MCF2L2: variants seen among roughly 807,000 people sequenced by gnomAD.
MCF2L2 encodes the protein MCF.2 cell line derived transforming sequence-like 2.
In MCF2L2, 102 loss-of-function variants were observed where a neutral mutation model predicts 150.2. The ratio of observed to expected loss-of-function variants is 0.68; its 90% CI spans 0.58 to 0.80. MCF2L2 has a LOEUF of 0.80. Ranked by LOEUF, MCF2L2 falls within the 30% of genes least tolerant of loss-of-function variation. The pLI is 0.00. For missense variants in MCF2L2, 1,256 were observed against 1,372.8 expected, an observed-to-expected ratio of 0.91 and a Z score of 1.34; for synonymous variants, 465 against 491.3, an observed-to-expected ratio of 0.95 and a Z score of 0.71.
At chr3:183,269,527 G>A (rs374501390) in intron 15 of MCF2L2, 21 of 364,502 alleles carry the variant, frequency 5.8e-5, no homozygotes, top group African/African-American at 2.1e-4. Context: ...TGGGAGAGCC[G>A]CATGAGGCCG....
chr3:183,248,629 G>A (rs1278634055), intron 15 of MCF2L2, among the ~76,000 whole-genome samples: 1 of 152,112 alleles, frequency 6.6e-6, no homozygotes, highest in Non-Finnish European at 1.5e-5. Flanking sequence ...GAGCCCAGGA[G>A]TTCAAGACCA....
chr3:183,215,710 C>T (rs1232870011), intron 22 of MCF2L2, among the ~76,000 whole-genome samples: 1 of 152,100 alleles, frequency 6.6e-6, no homozygotes, highest in Non-Finnish European at 1.5e-5. Context: ...ATGTTCTGGC[C>T]CTTGACTTTC....
intron 1 of MCF2L2, among the ~76,000 whole-genome samples, chr3:183,392,297 G>A (rs541888767): frequency 1.3e-5 from 2 of 152,116 alleles, no homozygotes; most frequent in Non-Finnish European, 2.9e-5. Context: ...AATAACTGTA[G>A]AGCCCGGATC....
chr3:183,271,101 CT>C (rs899466665), intron 15 of MCF2L2: 53 of 562,900 alleles, frequency 9.4e-5, no homozygotes, highest in African/African-American at 9.0e-4. Flanking sequence ...TTTAATATCA[CT>C]TATCTACTTC....
intron 15 of MCF2L2, 67 bp downstream of exon 15, chr3:183,276,805 G>T: frequency 1.8e-6 from 2 of 1,088,472 alleles, no homozygotes; most frequent in Non-Finnish European, 2.8e-6. Flanking sequence ...AGGTGTAAAA[G>T]AGAGGATCCT....
At chr3:183,213,434 C>T (rs1339605833) in intron 22 of MCF2L2, among the ~76,000 whole-genome samples, 3 of 151,680 alleles carry the variant, frequency 2.0e-5, no homozygotes, top group Admixed American at 6.6e-5. Flanking sequence ...TTTCTAGTTG[C>T]TTTCTAGTTG....
In MCF2L2 at chr3:183,277,091, G is replaced by A. The variant is rs111659902; in HGVS notation, c.1777-134C>T. 3.6e-3 allele frequency: 2,251 copies of A among 623,056 alleles called. 33 individuals carry two copies. In the African/African-American group the frequency reaches 0.038, roughly 10 times the overall value. The allele number at this position is 623,056 out of a possible 1,614,324, so 38.6% of individuals were successfully genotyped here. ...AGCAAAATATCCAGTTTCTCATGCC[G>A]CTTTCTCAGGTTTTCCCCAGCCACT... On this transcript the variant is annotated intron_variant, in intron 14 of 29. Transcript: ENST00000328913.
intron 2 of MCF2L2, among the ~76,000 whole-genome samples, chr3:183,380,607 G>A (rs1713468050): frequency 6.6e-6 from 1 of 152,076 alleles, no homozygotes; most frequent in African/African-American, 2.4e-5. Flanking sequence ...TCATCACGTT[G>A]GCCAGGCTGG....
Position 183,264,397 on chromosome 3 carries a change from C to T in MCF2L2, c.1862+12475G>A, listed in dbSNP as rs535998379. ...GTTGGTGTCATGCAGACACACTGTACCTTACCAGGATTTGCCCATTGTTGT... is the reference window on the plus strand; with the variant it reads ...GTTGGTGTCATGCAGACACACTGTATCTTACCAGGATTTGCCCATTGTTGT... On this transcript the variant is annotated intron_variant, in intron 15 of 29. Transcript: ENST00000328913. Among the ~76,000 whole-genome samples the T allele has an allele frequency of 1.1e-4, 17 of 152,346 alleles. 1 individual carries two copies. In the South Asian group the frequency reaches 3.3e-3, roughly 30 times the overall value.
intron 3 of MCF2L2, chr3:183,374,124 C>T (rs870175): frequency 0.012 from 1,827 of 152,954 alleles, 32 homozygotes; most frequent in African/African-American, 0.039. Context: ...CTACACACCA[C>T]CACCAGATCA....
intron 4 of MCF2L2, among the ~76,000 whole-genome samples, chr3:183,341,033 G>A (rs892200936): frequency 3.3e-5 from 5 of 152,342 alleles, no homozygotes; most frequent in Middle Eastern, 3.4e-3. Context: ...AGTACAGGTA[G>A]TTTGTTGGGG....
intron 27 of MCF2L2, among the ~76,000 whole-genome samples, chr3:183,186,643 A>G (rs1315967142): frequency 6.6e-6 from 1 of 152,206 alleles, no homozygotes; most frequent in Admixed American, 6.5e-5. Flanking sequence ...AGGAGAATCA[A>G]TTGAACCTGG....
intron 15 of MCF2L2, among the ~76,000 whole-genome samples, chr3:183,232,160 G>T (rs951962920): frequency 1.3e-5 from 2 of 152,132 alleles, no homozygotes; most frequent in African/African-American, 4.8e-5. Flanking sequence ...AGATGGAGGG[G>T]GCCAGATGGA....
intron 1 of MCF2L2, among the ~76,000 whole-genome samples, chr3:183,427,066 A>G (rs914504120): frequency 6.6e-6 from 1 of 152,196 alleles, no homozygotes; most frequent in African/African-American, 2.4e-5. Context: ...ACCTCCAAGC[A>G]CAGTCAGCAA....
In MCF2L2 at chr3:183,206,116, C is replaced by T. The variant is rs778554886; in HGVS notation, c.2805+6G>A. ...AGGAGACCCATGGGGAAGGCATGAG[C>T]GTTACCTGCAGGATGTATTTCTCAA... On this transcript the variant is annotated splice_donor_region_variant and intron_variant, in intron 24 of 29. Coordinates refer to ENST00000328913, the MANE Select transcript of MCF2L2 (RefSeq NM_015078.4). 10 of 1,613,236 alleles carry T rather than the reference C, an allele frequency of 6.2e-6. No individual in the cohort carries two copies. The highest frequency in any genetic ancestry group is 1.1e-5 in the South Asian group (1 of 91,064).
At chr3:183,323,202 G>A in intron 6 of MCF2L2, 33 bp downstream of exon 6, 1 of 1,446,024 alleles carries the variant, frequency 6.9e-7, no homozygotes, top group Non-Finnish European at 9.6e-7. Flanking sequence ...AACAAGGAGA[G>A]ACAGTGAAAA....
intron 21 of MCF2L2, among the ~76,000 whole-genome samples, chr3:183,217,198 G>GC (rs973313283): frequency 2.7e-5 from 4 of 149,270 alleles, no homozygotes; most frequent in African/African-American, 9.8e-5. Context: ...GGAGGTTGAG[G>GC]CAGGAGAACA....
intron 15 of MCF2L2, among the ~76,000 whole-genome samples, chr3:183,261,200 C>G (rs1281142502): frequency 1.3e-5 from 2 of 152,096 alleles, no homozygotes; most frequent in African/African-American, 2.4e-5. Context: ...AAGAAAAAAT[C>G]TAGGAAGATC....
chr3:183,266,769 T>A (rs1041072503), intron 15 of MCF2L2, among the ~76,000 whole-genome samples: 1 of 151,914 alleles, frequency 6.6e-6, no homozygotes, highest in African/African-American at 2.4e-5. Flanking sequence ...ATTGATCTGT[T>A]CCTTAGAGCA....
Sources: gnomAD v4.1 joint callset for allele counts (sites outside exome capture counted in the v4.1 genomes callset) on GRCh38, gnomAD v4.1.1 for gene constraint, MANE v1.5 for transcripts, NCBI Gene and HGNC (gene_info 2026-07-23, HGNC 2026-07-21) for gene names.